The following MBD3 variants were observed in gnomAD, a reference collection of about 807,000 sequenced individuals.
MBD3 encodes methyl-CpG binding domain protein 3.
A neutral mutation model predicts 31.2 loss-of-function variants in MBD3; 13 were observed. The ratio of observed to expected loss-of-function variants is 0.42; its 90% CI spans 0.27 to 0.66. The LOEUF (loss-of-function observed/expected upper bound fraction) is 0.66. MBD3 is among the 30% of genes least tolerant of loss of function. The pLI, the probability that MBD3 is intolerant of heterozygous loss-of-function variation, is 0.26. For missense variants in MBD3, 440 were observed against 426.5 expected, an observed-to-expected ratio of 1.03 and a Z score of -0.28; for synonymous variants, 223 against 187.4, an observed-to-expected ratio of 1.19 and a Z score of -1.55.
chr19:1,583,978 C>T (rs1334349645), intron 3 of MBD3, among the ~76,000 whole-genome samples: 3 of 151,996 alleles, frequency 2.0e-5, no homozygotes, highest in Non-Finnish European at 1.5e-5. Context: ...CACACCACCA[C>T]GCCCAGCTAA....
intron 5 of MBD3, among the ~76,000 whole-genome samples, chr19:1,580,738 G>A (rs1051156987): frequency 6.6e-6 from 1 of 152,202 alleles, no homozygotes; most frequent in African/African-American, 2.4e-5. Context: ...CCCCTCAGCA[G>A]GCACCCAGAG....
chr19:1,585,318 G>A lies in MBD3; in HGVS notation c.111-104C>T. On this transcript the variant is annotated intron_variant, in intron 1 of 6. Coordinates refer to ENST00000434436, the MANE Select transcript of MBD3 (RefSeq NM_001281453.2). The surrounding 1 kb of genome is among the most constrained non-coding windows in gnomAD (Gnocchi z 4.1). ...AGTCCCAGCCCCAGCTTCAGGTCGC[G>A]ACCCCAGCCCCAGACCCCAACACGG... 2 of 1,337,344 alleles carry A rather than the reference G, an allele frequency of 1.5e-6. No individual in the cohort carries two copies. The highest frequency in any genetic ancestry group is 1.5e-5 in the African/African-American group (1 of 68,572). 82.8% of individuals were successfully genotyped at this position (1,337,344 alleles called of 1,614,324 possible).
intron 4 of MBD3, chr19:1,581,651 G>T (rs1917356498): frequency 2.9e-6 from 1 of 346,626 alleles, no homozygotes; most frequent in African/African-American, 2.1e-5. Context: ...AGGCTGTGCT[G>T]AGAGAACCAC....
At chr19:1,580,035 G>A (rs1043678657) in intron 5 of MBD3, among the ~76,000 whole-genome samples, 1 of 152,264 alleles carries the variant, frequency 6.6e-6, no homozygotes, top group Non-Finnish European at 1.5e-5. Context: ...TGGGATTACA[G>A]GCGTCAGCCA....
intron 4 of MBD3, among the ~76,000 whole-genome samples, chr19:1,582,049 G>A (rs2060654778): frequency 6.6e-6 from 1 of 152,122 alleles, no homozygotes; most frequent in Admixed American, 6.5e-5. Context: ...TTACAGGCGT[G>A]AGCCACTGCA....
chr19:1,589,159 C>T (rs2060692505), intron 1 of MBD3, among the ~76,000 whole-genome samples: 1 of 151,354 alleles, frequency 6.6e-6, no homozygotes, highest in Non-Finnish European at 1.5e-5. Flanking sequence ...TGGTGAAACC[C>T]CATCTCGACT....
In MBD3 at chr19:1,585,823, A is replaced by C. The variant is rs1362326263; in HGVS notation, c.111-609T>G. The C allele has an allele frequency of 6.4e-6, 1 of 155,720 alleles. No individual in the cohort carries two copies. The highest frequency in any genetic ancestry group is 1.4e-5 in the Non-Finnish European group (1 of 70,322). 9.6% of individuals were successfully genotyped at this position (155,720 alleles called of 1,614,324 possible). Reference sequence around the variant, plus strand: ...CAGACTGGGAAGGGGTCTCGTTCTAAGATCTGGGGCCAGGCCCTAACAGCT... The same window carrying C: ...CAGACTGGGAAGGGGTCTCGTTCTACGATCTGGGGCCAGGCCCTAACAGCT... On this transcript the variant is annotated intron_variant, in intron 1 of 6. Coordinates refer to ENST00000434436, the MANE Select transcript of MBD3 (RefSeq NM_001281453.2). The surrounding 1 kb of genome is among the most constrained non-coding windows in gnomAD (Gnocchi z 4.1).
intron 2 of MBD3, 49 bp from the exon 3 acceptor site, chr19:1,584,726 C>T (rs747574188): frequency 7.6e-6 from 12 of 1,586,508 alleles, no homozygotes; most frequent in Admixed American, 1.7e-5. Context: ...CCCGGCGGCG[C>T]GGAGCCTCAG....
rs749289820 is a variant in MBD3 at position 1,575,266 on chromosome 19, T to G, written c.*2898A>C. On this transcript the variant is annotated 3_prime_UTR_variant, in exon 7 of 7. Transcript: ENST00000434436. ...CCAACATGGTGAAACCCTGTCTCTA[T>G]TAAAAATACAAAAATTAGCTGGGCG... 1 of 429,040 alleles carries G rather than the reference T, an allele frequency of 2.3e-6. No individual in the cohort carries two copies. Among genetic ancestry groups the G allele is most frequent in the South Asian group, 1.6e-5 (1 of 62,166 alleles). The allele number at this position is 429,040 out of a possible 1,614,324, so 26.6% of individuals were successfully genotyped here.
At position 1,585,345 on chromosome 19, in the gene MBD3, C is replaced by T. The variant is rs2060674287; in HGVS notation, c.111-131G>A. 1 of 1,031,134 alleles carries T rather than the reference C, an allele frequency of 9.7e-7. No homozygotes were observed. 63.9% of individuals were successfully genotyped at this position (1,031,134 alleles called of 1,614,324 possible). A position where few individuals can be genotyped will look rare whatever the true frequency, so the allele number is the denominator to read the frequency against. ...CCCCAGCCCCAGACCCCAACACGGCCCTGACCCCAAACCCAGGCAGGCCCT... is the reference window on the plus strand; with the variant it reads ...CCCCAGCCCCAGACCCCAACACGGCTCTGACCCCAAACCCAGGCAGGCCCT... On this transcript the variant is annotated intron_variant, in intron 1 of 6. Coordinates refer to ENST00000434436, the MANE Select transcript of MBD3 (RefSeq NM_001281453.2). This position sits in a 1 kb window ranked among gnomAD's most constrained non-coding sequence, Gnocchi z 4.1.
In MBD3 at chr19:1,574,043, C is replaced by T. The variant is rs1252801425; in HGVS notation, c.*4121G>A. ...AAAAAAGTACACAATTCTGGTGAGG[C>T]ACGGTGGCTCATGCCTGTAATCCCA... On this transcript the variant is annotated 3_prime_UTR_variant, in exon 7 of 7. Coordinates refer to ENST00000434436, the MANE Select transcript of MBD3 (RefSeq NM_001281453.2). 6.6e-6 allele frequency: 1 copy of T among 151,870 alleles called. No homozygotes were observed. The highest frequency in any genetic ancestry group is 1.5e-5 in the Non-Finnish European group (1 of 68,088). 9.4% of individuals were successfully genotyped at this position (151,870 alleles called of 1,614,324 possible).
intron 1 of MBD3, among the ~76,000 whole-genome samples, chr19:1,586,730 G>T (rs996902161): frequency 1.3e-5 from 2 of 150,778 alleles, no homozygotes; most frequent in African/African-American, 2.4e-5. Flanking sequence ...GAAGTGGCTC[G>T]ATCTTGGCTC....
In MBD3 at chr19:1,575,979, CAGAG is replaced by C. The variant is rs369133873; in HGVS notation, c.*2181_*2184del. On this transcript the variant is annotated 3_prime_UTR_variant, in exon 7 of 7. Coordinates refer to ENST00000434436, the MANE Select transcript of MBD3 (RefSeq NM_001281453.2). ...TCAGTGACAGGAAGCTGGGCTGCGA[CAGAG>C]AGGGAGAGACAGCAAGAGACAGAGA... The C allele has an allele frequency of 6.6e-6, 1 of 152,198 alleles. No homozygotes were observed. The highest frequency in any genetic ancestry group is 1.5e-5 in the Non-Finnish European group (1 of 68,174). The allele number at this position is 152,198 out of a possible 1,614,324, so 9.4% of individuals were successfully genotyped here.
chr19:1,587,908 C>T, intron 1 of MBD3, among the ~76,000 whole-genome samples: 1 of 152,246 alleles, frequency 6.6e-6, no homozygotes, highest in Non-Finnish European at 1.5e-5. Flanking sequence ...CAGTCTCCTC[C>T]TGTCCTCTTC....
At chr19:1,584,998 C>T (rs956574583) in intron 2 of MBD3, 57 bp downstream of exon 2, 12 of 1,597,106 alleles carry the variant, frequency 7.5e-6, no homozygotes, top group Middle Eastern at 3.8e-4. Context: ...ACGTCATGGC[C>T]GCGTCCCCGC....
At chr19:1,582,862 A>G (rs2060659696) in intron 3 of MBD3, 150 bp from the exon 4 acceptor site, 1 of 695,472 alleles carries the variant, frequency 1.4e-6, no homozygotes. Flanking sequence ...GGGTCTCCAG[A>G]CCCTGCCCAG....
Position 1,585,022 on chromosome 19 carries a change from C to T in MBD3, c.270+33G>A, listed in dbSNP as rs1295086559. On this transcript the variant is annotated intron_variant, in intron 2 of 6. Coordinates refer to ENST00000434436, the MANE Select transcript of MBD3 (RefSeq NM_001281453.2). The surrounding 1 kb of genome is among the most constrained non-coding windows in gnomAD (Gnocchi z 4.1). ...CCGCGTCCCCGCCTAGAACGCCCCG[C>T]GCCGACGTCACCTGCGTGACGCCAC... The T allele has an allele frequency of 1.9e-6, 3 of 1,606,986 alleles. No homozygotes were observed. The highest frequency in any genetic ancestry group is 1.7e-5 in the Admixed American group (1 of 59,946).
At chr19:1,583,457 G>C (rs953389380) in intron 3 of MBD3, 4 of 151,516 alleles carry the variant, frequency 2.6e-5, no homozygotes, top group Non-Finnish European at 5.9e-5. Context: ...TAAGAAGTAG[G>C]TTACACAGTC....
intron 5 of MBD3, among the ~76,000 whole-genome samples, chr19:1,579,636 A>C: frequency 6.7e-6 from 1 of 149,992 alleles, no homozygotes; most frequent in Non-Finnish European, 1.5e-5. Context: ...GCTCCCTCTC[A>C]CTCTGTCCCC....
Sources: gnomAD v4.1 joint callset for allele counts (sites outside exome capture counted in the v4.1 genomes callset) on GRCh38, gnomAD v4.1.1 for gene constraint, Gnocchi (gnomAD v3.1) non-coding constraint, MANE v1.5 for transcripts, NCBI Gene and HGNC (gene_info 2026-07-23, HGNC 2026-07-21) for gene names.